Variants in MYO1D observed in about 807,000 individuals in gnomAD.
MYO1D encodes the protein unconventional myosin-Id.
A neutral mutation model predicts 122.0 loss-of-function variants in MYO1D; 83 were observed. The observed-to-expected ratio is 0.68, with a 90% CI of 0.57 to 0.82. The LOEUF is 0.82. Ranked by LOEUF, MYO1D falls within the 40% of genes least tolerant of loss-of-function variation. The probability of loss-of-function intolerance (pLI) is 0.00; values close to 1 mark genes in which losing one functional copy is unlikely to be tolerated. For missense variants in MYO1D, 1,157 were observed against 1,269.5 expected (o/e 0.91, Z 1.35); for synonymous variants, 464 against 446.9 (o/e 1.04, Z -0.48).
intron 14 of MYO1D, among the ~76,000 whole-genome samples, chr17:32,735,111 C>CACAT (rs1373287171): frequency 1.3e-5 from 2 of 151,318 alleles, no homozygotes; most frequent in Non-Finnish European, 3.0e-5. Flanking sequence ...CACACACACA[C>CACAT]ACACACACAC....
intron 1 of MYO1D, among the ~76,000 whole-genome samples, chr17:32,785,589 A>G (rs2090285146): frequency 6.6e-6 from 1 of 152,184 alleles, no homozygotes; most frequent in Non-Finnish European, 1.5e-5. Context: ...CTGCACTTCA[A>G]TAAACCTTGA....
chr17:32,584,630 C>A (rs888824352), intron 21 of MYO1D, among the ~76,000 whole-genome samples: 7 of 151,756 alleles, frequency 4.6e-5, no homozygotes, highest in African/African-American at 1.7e-4. Context: ...GTAGCTGGTA[C>A]TACAGGTGCA....
intron 20 of MYO1D, among the ~76,000 whole-genome samples, chr17:32,621,063 T>C (rs1299295431): frequency 6.6e-6 from 1 of 152,194 alleles, no homozygotes; most frequent in Non-Finnish European, 1.5e-5. Context: ...ATAAATCTTA[T>C]ATACATAACC....
intron 21 of MYO1D, among the ~76,000 whole-genome samples, chr17:32,599,785 T>C (rs775324397): frequency 6.6e-6 from 1 of 152,200 alleles, no homozygotes; most frequent in Admixed American, 6.5e-5. Flanking sequence ...CCCAAGTAGC[T>C]GGGATTACAG....
chr17:32,848,640 C>T (rs1415370839), intron 1 of MYO1D, among the ~76,000 whole-genome samples: 1 of 152,146 alleles, frequency 6.6e-6, no homozygotes, highest in Non-Finnish European at 1.5e-5. Context: ...CTGTTGCTTA[C>T]ACTGGATTTA....
intron 6 of MYO1D, among the ~76,000 whole-genome samples, chr17:32,768,193 G>A (rs1207545576): frequency 2.0e-5 from 3 of 152,182 alleles, no homozygotes; most frequent in Admixed American, 6.5e-5. Flanking sequence ...CTTCACTCTC[G>A]TATAATCAGG....
At chr17:32,780,967 T>C (rs1177654746) in intron 1 of MYO1D, among the ~76,000 whole-genome samples, 183 bp from the exon 2 acceptor site, 1 of 152,156 alleles carries the variant, frequency 6.6e-6, no homozygotes, top group African/African-American at 2.4e-5. Flanking sequence ...TCAGATGCCA[T>C]TGGTAGAAAA....
At chr17:32,834,041 G>T (rs995519769) in intron 1 of MYO1D, among the ~76,000 whole-genome samples, 2 of 152,048 alleles carry the variant, frequency 1.3e-5, no homozygotes, top group African/African-American at 2.4e-5. Flanking sequence ...CTCCATGAAG[G>T]CTTGCATTTT....
At chr17:32,874,766 AAAATAT>A (rs1052900195) in intron 1 of MYO1D, among the ~76,000 whole-genome samples, 7 of 152,142 alleles carry the variant, frequency 4.6e-5, no homozygotes, top group Non-Finnish European at 7.4e-5. Context: ...CCATCTCTAA[AAAATAT>A]AAATATAAAT....
intron 20 of MYO1D, among the ~76,000 whole-genome samples, chr17:32,612,189 A>G (rs981159630): frequency 1.3e-5 from 2 of 152,206 alleles, no homozygotes; most frequent in African/African-American, 2.4e-5. Flanking sequence ...TAAGCAAAAA[A>G]CAAAAATATA....
intron 21 of MYO1D, among the ~76,000 whole-genome samples, chr17:32,553,122 A>C (rs1330023230): frequency 1.3e-5 from 2 of 151,938 alleles, no homozygotes; most frequent in African/African-American, 4.8e-5. Context: ...AAACAAAAAA[A>C]CCAGCAGCAT....
At chr17:32,721,616 G>A (rs1370302363) in intron 14 of MYO1D, among the ~76,000 whole-genome samples, 1 of 152,090 alleles carries the variant, frequency 6.6e-6, no homozygotes, top group Non-Finnish European at 1.5e-5. Flanking sequence ...GGAATGATAG[G>A]GACGGACAGC....
chr17:32,592,904 C>T (rs991076235), intron 21 of MYO1D, among the ~76,000 whole-genome samples: 5 of 152,204 alleles, frequency 3.3e-5, no homozygotes, highest in Non-Finnish European at 5.9e-5. Flanking sequence ...TTTTCTTGCC[C>T]AGTACCGTAT....
intron 1 of MYO1D, among the ~76,000 whole-genome samples, chr17:32,803,084 T>G (rs1416600665): frequency 1.3e-5 from 2 of 152,208 alleles, no homozygotes; most frequent in Non-Finnish European, 2.9e-5. Flanking sequence ...AGTAAGCAGC[T>G]GTTAACTCTA....
Position 32,767,640 on chromosome 17 carries a change from T to G in MYO1D, c.827A>C (p.His276Pro). The G allele has an allele frequency of 1.3e-6, 2 of 1,598,432 alleles. No individual in the cohort carries two copies. The highest frequency in any genetic ancestry group is 1.7e-6 in the Non-Finnish European group (2 of 1,166,406). ...CTGAGAGGTGTCCCTACTCACCAAG[T>G]GCAGAATAGCAGCCAAAATCTTATA... is the stretch of plus-strand genomic sequence containing the variant. ...TVYKILAAIL[H>P]LGNLKFVVDG... is the part of the protein sequence containing the mutation. The change falls in exon 7 of 22, where the codon CAC becomes CCC. Residue 276 changes from histidine to proline, a missense_variant. Physicochemically the swap from His to Pro is moderately conservative, Grantham distance 77. Coordinates refer to ENST00000318217, the MANE Select transcript of MYO1D (RefSeq NM_015194.3).
intron 21 of MYO1D, among the ~76,000 whole-genome samples, chr17:32,582,041 G>A (rs1349296182): frequency 1.3e-5 from 2 of 152,084 alleles, no homozygotes; most frequent in African/African-American, 2.4e-5. Context: ...CTCCCAAAGT[G>A]CTGGGATTAC....
chr17:32,534,270 G>C (rs954970527), intron 21 of MYO1D, among the ~76,000 whole-genome samples: 1 of 152,198 alleles, frequency 6.6e-6, no homozygotes, highest in African/African-American at 2.4e-5. Flanking sequence ...GGGCTCAAGT[G>C]ATTCTCCTGC....
intron 13 of MYO1D, among the ~76,000 whole-genome samples, chr17:32,742,438 G>A (rs1390746813): frequency 6.6e-6 from 1 of 152,212 alleles, no homozygotes; most frequent in Admixed American, 6.5e-5. Flanking sequence ...ACCACTGAAA[G>A]GTGAAGCTGT....
intron 15 of MYO1D, among the ~76,000 whole-genome samples, chr17:32,714,411 T>C (rs1362574469): frequency 6.6e-6 from 1 of 152,256 alleles, no homozygotes; most frequent in African/African-American, 2.4e-5. Flanking sequence ...CTTTCCTTTT[T>C]ATGGCTGCAT....
Sources: gnomAD v4.1 joint callset for allele counts (sites outside exome capture counted in the v4.1 genomes callset) on GRCh38, gnomAD v4.1.1 for gene constraint, MANE v1.5 for transcripts, NCBI Gene and HGNC (gene_info 2026-07-23, HGNC 2026-07-21) for gene names.